The following SAMTOR variants were observed in gnomAD, a reference collection of about 807,000 sequenced individuals.
SAMTOR encodes the protein S-adenosylmethionine sensor upstream of mTORC1.
At chr7:112,891,649 C>A in the SAMTOR span, among the ~76,000 whole-genome samples, 1 of 152,174 alleles carries the variant, frequency 6.6e-6, no homozygotes, top group Admixed American at 6.5e-5. Flanking sequence ...AAGCAAGTTA[C>A]AAAATTTTTT....
the SAMTOR span, among the ~76,000 whole-genome samples, chr7:112,873,870 A>T: frequency 6.6e-6 from 1 of 152,210 alleles, no homozygotes; most frequent in South Asian, 2.1e-4. Flanking sequence ...CAAAAAACAA[A>T]TTACCCTATT....
At chr7:112,880,496 T>C in the SAMTOR span, among the ~76,000 whole-genome samples, 3 of 152,106 alleles carry the variant, frequency 2.0e-5, no homozygotes, top group Non-Finnish European at 4.4e-5. Flanking sequence ...ATTAATAAAC[T>C]TCAATATAAT....
the SAMTOR span, among the ~76,000 whole-genome samples, chr7:112,828,372 T>C: frequency 2.0e-5 from 3 of 152,218 alleles, no homozygotes; most frequent in Non-Finnish European, 2.9e-5. Flanking sequence ...AGTGGTTTGC[T>C]GGCAATCTTT....
the SAMTOR span, among the ~76,000 whole-genome samples, chr7:112,920,018 G>C: frequency 6.6e-6 from 1 of 151,844 alleles, no homozygotes; most frequent in East Asian, 1.9e-4. Flanking sequence ...TCTACCAGAG[G>C]TACAAGGAGG....
the SAMTOR span, among the ~76,000 whole-genome samples, chr7:112,841,275 T>G: frequency 6.6e-6 from 1 of 152,104 alleles, no homozygotes; most frequent in Non-Finnish European, 1.5e-5. Context: ...CAAGCATTCG[T>G]ATACACCAAT....
At chr7:112,872,817 AAAG>A in the SAMTOR span, among the ~76,000 whole-genome samples, 1 of 151,972 alleles carries the variant, frequency 6.6e-6, no homozygotes, top group Non-Finnish European at 1.5e-5. Flanking sequence ...AAAAAAAAAA[AAAG>A]AAATTTAAAA....
chr7:112,894,453 C>T, the SAMTOR span, among the ~76,000 whole-genome samples: 426 of 152,184 alleles, frequency 2.8e-3, 2 homozygotes, highest in African/African-American at 9.9e-3. Context: ...TGTATTAGTG[C>T]GTTTTCATGC....
chr7:112,866,108 A>C, the SAMTOR span, among the ~76,000 whole-genome samples: 1 of 152,128 alleles, frequency 6.6e-6, no homozygotes, highest in Non-Finnish European at 1.5e-5. Flanking sequence ...AAGAAGACAA[A>C]GCTATTATCC....
the SAMTOR span, among the ~76,000 whole-genome samples, chr7:112,869,670 G>C: frequency 6.6e-6 from 1 of 152,088 alleles, no homozygotes; most frequent in Non-Finnish European, 1.5e-5. Flanking sequence ...TAGAAATCCA[G>C]TGTTCCATCA....
At chr7:112,934,816 G>A in the SAMTOR span, among the ~76,000 whole-genome samples, 1 of 152,272 alleles carries the variant, frequency 6.6e-6, no homozygotes, top group African/African-American at 2.4e-5. Flanking sequence ...AATGCTTTTG[G>A]TTTCTAGTGT....
the SAMTOR span, chr7:112,819,845 T>A: frequency 6.6e-6 from 1 of 152,528 alleles, no homozygotes; most frequent in Non-Finnish European, 1.5e-5. Flanking sequence ...GGTGTATTGT[T>A]TTCTTTGCTC....
At chr7:112,933,995 A>G in the SAMTOR span, among the ~76,000 whole-genome samples, 1,145 of 152,344 alleles carry the variant, frequency 7.5e-3, 12 homozygotes, top group African/African-American at 0.026. Context: ...AAATCAAAGC[A>G]AATCAATATT....
chr7:112,939,346 G>A, the SAMTOR span: 5 of 581,004 alleles, frequency 8.6e-6, no homozygotes, highest in South Asian at 2.0e-5. Context: ...CTTGGAGGGG[G>A]TGGGGACTCA....
the SAMTOR span, among the ~76,000 whole-genome samples, chr7:112,836,355 T>G: frequency 6.6e-6 from 1 of 152,174 alleles, no homozygotes; most frequent in African/African-American, 2.4e-5. Context: ...CAAATTTGTT[T>G]AAGTTCCTTA....
chr7:112,821,869 C>T, the SAMTOR span: 3 of 1,613,584 alleles, frequency 1.9e-6, no homozygotes, highest in Non-Finnish European at 2.5e-6. Flanking sequence ...AGTTGTTCAT[C>T]TTCTATATCT....
chr7:112,833,405 C>T, the SAMTOR span, among the ~76,000 whole-genome samples: 1 of 152,126 alleles, frequency 6.6e-6, no homozygotes, highest in Non-Finnish European at 1.5e-5. Flanking sequence ...GTGGTATTTA[C>T]CCTTAGACTT....
At chr7:112,883,441 G>A in the SAMTOR span, among the ~76,000 whole-genome samples, 4 of 152,064 alleles carry the variant, frequency 2.6e-5, no homozygotes, top group Non-Finnish European at 5.9e-5. Context: ...TCCCCAAACA[G>A]ATAATTCTAA....
the SAMTOR span, among the ~76,000 whole-genome samples, chr7:112,907,049 G>C: frequency 6.6e-6 from 1 of 152,164 alleles, no homozygotes; most frequent in Non-Finnish European, 1.5e-5. Flanking sequence ...CCCTGAAAAA[G>C]AATAGTGTGA....
At chr7:112,898,092 G>A in the SAMTOR span, among the ~76,000 whole-genome samples, 1 of 152,204 alleles carries the variant, frequency 6.6e-6, no homozygotes, top group African/African-American at 2.4e-5. Flanking sequence ...ATCTACTGGT[G>A]CCCACAGGGG....
Sources: gnomAD v4.1 joint callset for allele counts (sites outside exome capture counted in the v4.1 genomes callset) on GRCh38, gnomAD v4.1.1 for gene constraint, MANE v1.5 for transcripts, NCBI Gene and HGNC (gene_info 2026-07-23, HGNC 2026-07-21) for gene names.